Variants in FRMPD4 observed in about 807,000 individuals in gnomAD.
FRMPD4 encodes the protein FERM and PDZ domain containing 4, also known as FERM and PDZ domain-containing protein 4.
FRMPD4 carries 22 observed loss-of-function variants against 94.1 expected under a neutral mutation model. That is an observed-to-expected ratio of 0.23 (90% CI 0.17 to 0.33). FRMPD4 has a LOEUF of 0.33. Among genes scored for constraint, FRMPD4 ranks in the 10% least tolerant of loss-of-function variants. The probability of loss-of-function intolerance (pLI) is 1.00; values close to 1 mark genes in which losing one functional copy is unlikely to be tolerated. For missense variants in FRMPD4, 1,111 were observed against 1,339.9 expected (o/e 0.83, Z 2.67); for synonymous variants, 631 against 548.6 (o/e 1.15, Z -2.10).
chrX:11,978,321 CAAAA>C (rs1172824155), intron 3 of FRMPD4, among the ~76,000 whole-genome samples: 44 of 16,348 alleles, frequency 2.7e-3, no homozygotes, highest in African/African-American at 9.9e-3. Context: ...AACTCCATCT[CAAAA>C]AAAAAAAAAA....
intron 3 of FRMPD4, among the ~76,000 whole-genome samples, chrX:12,026,736 A>G (rs754686041): frequency 2.7e-5 from 3 of 112,772 alleles, no homozygotes; most frequent in Non-Finnish European, 3.8e-5. Flanking sequence ...GCCCTTCACC[A>G]TCAATGAGTT....
chrX:12,127,378 A>G (rs1486843832), intron 3 of FRMPD4, among the ~76,000 whole-genome samples: 1 of 111,838 alleles, frequency 8.9e-6, no homozygotes, highest in Admixed American at 9.5e-5. Context: ...TTCACAAGGC[A>G]GCAGGAGAGA....
At chrX:11,901,348 A>G (rs912248697) in intron 3 of FRMPD4, among the ~76,000 whole-genome samples, 3 of 111,955 alleles carry the variant, frequency 2.7e-5, no homozygotes, top group East Asian at 5.6e-4. Context: ...AGAACATATG[A>G]TATTTGGTTT....
intron 3 of FRMPD4, among the ~76,000 whole-genome samples, chrX:11,965,070 G>C (rs1458603069): frequency 8.9e-6 from 1 of 112,444 alleles, no homozygotes; most frequent in Non-Finnish European, 1.9e-5. Flanking sequence ...GGATAACCCA[G>C]GCTAATGTCC....
chrX:12,139,222 T>C (rs886306093), intron 1 of FRMPD4, among the ~76,000 whole-genome samples: 1 of 108,785 alleles, frequency 9.2e-6, no homozygotes, highest in African/African-American at 3.4e-5. Flanking sequence ...CACAGAGAGG[T>C]ACATACATGC....
At chrX:12,145,237 T>C (rs993507475) in intron 1 of FRMPD4, among the ~76,000 whole-genome samples, 1 of 112,281 alleles carries the variant, frequency 8.9e-6, no homozygotes, top group African/African-American at 3.2e-5. Flanking sequence ...CACAGTTATT[T>C]ATCTGGTCAG....
At chrX:12,708,143 T>A (rs1207705283) in intron 13 of FRMPD4, among the ~76,000 whole-genome samples, 1 of 111,713 alleles carries the variant, frequency 9.0e-6, no homozygotes, top group African/African-American at 3.3e-5. Flanking sequence ...TGACTGAACA[T>A]CTGGCTCCTA....
At chrX:12,715,935 T>C (rs2042069394) in intron 14 of FRMPD4, 134 bp from the exon 15 acceptor site, 1 of 421,152 alleles carries the variant, frequency 2.4e-6, no homozygotes, top group Non-Finnish European at 4.2e-6. Flanking sequence ...TATATTTGGG[T>C]AGTTGAAAAA....
At chrX:12,488,510 C>A (rs2057760356) in intron 1 of FRMPD4, among the ~76,000 whole-genome samples, 2 of 111,675 alleles carry the variant, frequency 1.8e-5, no homozygotes, top group African/African-American at 3.2e-5. Context: ...CAAATAGTGG[C>A]CCTATTTACA....
intron 1 of FRMPD4, among the ~76,000 whole-genome samples, chrX:12,314,552 T>G (rs1439983751): frequency 9.0e-6 from 1 of 111,727 alleles, no homozygotes; most frequent in Non-Finnish European, 1.9e-5. Context: ...AATTATTCAG[T>G]GGTAATTGAG....
intron 1 of FRMPD4, among the ~76,000 whole-genome samples, chrX:12,208,832 G>A (rs907529099): frequency 1.2e-4 from 13 of 111,287 alleles, no homozygotes; most frequent in African/African-American, 2.9e-4. Context: ...TATCTAAAGC[G>A]TAAAGAGTAA....
intron 3 of FRMPD4, among the ~76,000 whole-genome samples, chrX:12,004,792 G>A (rs2054542581): frequency 9.2e-6 from 1 of 109,150 alleles, no homozygotes; most frequent in Non-Finnish European, 1.9e-5. Flanking sequence ...TGGCTGCTAG[G>A]CCTCTGTGAT....
chrX:12,022,415 C>T (rs1298952476), intron 3 of FRMPD4, among the ~76,000 whole-genome samples: 1 of 112,022 alleles, frequency 8.9e-6, no homozygotes, highest in Non-Finnish European at 1.9e-5. Flanking sequence ...ATTTTCAGTA[C>T]TAGGGTTTCT....
chrX:12,570,369 G>A (rs1026613873), intron 2 of FRMPD4, among the ~76,000 whole-genome samples: 1 of 111,033 alleles, frequency 9.0e-6, no homozygotes, highest in Non-Finnish European at 1.9e-5. Context: ...GCAATGGCAC[G>A]ATCTCAGCTC....
intron 1 of FRMPD4, chrX:12,374,923 C>G (rs1290431756): frequency 8.9e-6 from 1 of 112,321 alleles, no homozygotes; most frequent in Admixed American, 9.4e-5. Context: ...CCCTAAAACA[C>G]AAGGATCTTG....
chrX:12,296,479 A>T (rs1477513392), intron 1 of FRMPD4, among the ~76,000 whole-genome samples: 1 of 111,702 alleles, frequency 9.0e-6, no homozygotes, highest in African/African-American at 3.3e-5. Flanking sequence ...TATTGATCCC[A>T]TGCCCCAGGG....
At chrX:12,716,001 T>TGGCCCCCCCC in intron 14 of FRMPD4, 68 bp from the exon 15 acceptor site, 2 of 231,655 alleles carry the variant, frequency 8.6e-6, no homozygotes, top group Non-Finnish European at 1.6e-5. Context: ...GAGACGAGCC[T>TGGCCCCCCCC]CCCACCCCCG....
intron 3 of FRMPD4, among the ~76,000 whole-genome samples, chrX:12,110,502 A>C (rs1214910516): frequency 8.9e-6 from 1 of 111,757 alleles, no homozygotes; most frequent in African/African-American, 3.3e-5. Context: ...CCCTTTGAAA[A>C]CTGGCACAAG....
intron 16 of FRMPD4, among the ~76,000 whole-genome samples, chrX:12,719,619 C>CT (rs2042179953): frequency 8.9e-6 from 1 of 112,066 alleles, no homozygotes; most frequent in African/African-American, 3.2e-5. Flanking sequence ...TATTCCTGTT[C>CT]TTTTAAGATT....
Sources: allele counts gnomAD v4.1 joint callset (sites outside exome capture counted in the v4.1 genomes callset), GRCh38; gene constraint gnomAD v4.1.1; transcripts MANE v1.5; gene names NCBI Gene and HGNC (gene_info 2026-07-23, HGNC 2026-07-21).